The following KAT6B variants were observed in gnomAD, a reference collection of about 807,000 sequenced individuals.
The protein encoded by KAT6B is histone acetyltransferase KAT6B.
In KAT6B, 10 loss-of-function variants were observed where a neutral mutation model predicts 187.5. The observed-to-expected ratio is 0.05, with a 90% CI of 0.03 to 0.09. The LOEUF (loss-of-function observed/expected upper bound fraction) is 0.09, where lower values mean the gene tolerates loss of function less well. Ranked by LOEUF, KAT6B falls within the 10% of genes least tolerant of loss-of-function variation. The pLI is 1.00. For missense variants in KAT6B, 1,952 were observed against 2,558.9 expected, an observed-to-expected ratio of 0.76 and a Z score of 5.12; for synonymous variants, 861 against 926.8, an observed-to-expected ratio of 0.93 and a Z score of 1.29.
chr10:74,845,508 C>T (rs1205467515), intron 3 of KAT6B, among the ~76,000 whole-genome samples: 15 of 121,972 alleles, frequency 1.2e-4, no homozygotes, highest in East Asian at 9.3e-4. Context: ...GGTGACAGAG[C>T]GAGACTCTGT....
chr10:74,968,756 A>G (rs1273651641), intron 4 of KAT6B, among the ~76,000 whole-genome samples: 1 of 152,200 alleles, frequency 6.6e-6, no homozygotes, highest in Non-Finnish European at 1.5e-5. Context: ...TATGTGATAA[A>G]AGACCATTAG....
intron 3 of KAT6B, among the ~76,000 whole-genome samples, chr10:74,915,990 C>A (rs2132986806): frequency 6.6e-6 from 1 of 152,176 alleles, no homozygotes; most frequent in East Asian, 1.9e-4. Flanking sequence ...CAGAGAAACC[C>A]CGCCTCTACT....
chr10:74,858,810 C>T (rs1047720586), intron 3 of KAT6B, among the ~76,000 whole-genome samples: 3 of 151,862 alleles, frequency 2.0e-5, no homozygotes, highest in African/African-American at 7.3e-5. Flanking sequence ...TAAAAATTAG[C>T]TGGGCATGGT....
intron 8 of KAT6B, 122 bp from the exon 9 acceptor site, chr10:74,977,194 A>T: frequency 1.0e-6 from 1 of 975,522 alleles, no homozygotes; most frequent in Non-Finnish European, 1.6e-6. Flanking sequence ...AAGCTTATTT[A>T]TAAAGCTTTA....
At chr10:75,010,003 A>G (rs1844485465) in intron 13 of KAT6B, among the ~76,000 whole-genome samples, 1 of 152,212 alleles carries the variant, frequency 6.6e-6, no homozygotes, top group Non-Finnish European at 1.5e-5. Context: ...CTCCATCTCA[A>G]ATTAAAAAAG....
At chr10:74,996,379 G>A (rs1002679534) in intron 13 of KAT6B, among the ~76,000 whole-genome samples, 3 of 152,176 alleles carry the variant, frequency 2.0e-5, no homozygotes, top group South Asian at 2.1e-4. Context: ...GCATGACTGC[G>A]TGAGGAAGCA....
At chr10:74,948,166 A>G (rs1222834597) in intron 3 of KAT6B, among the ~76,000 whole-genome samples, 2 of 152,258 alleles carry the variant, frequency 1.3e-5, no homozygotes, top group African/African-American at 2.4e-5. Context: ...AGTCAGGAGC[A>G]TGGAAATTCT....
intron 3 of KAT6B, among the ~76,000 whole-genome samples, chr10:74,848,616 A>G (rs1318881049): frequency 6.6e-6 from 1 of 151,848 alleles, no homozygotes; most frequent in Non-Finnish European, 1.5e-5. Context: ...GTGGCCCTAG[A>G]CAATTCTTCT....
intron 3 of KAT6B, among the ~76,000 whole-genome samples, chr10:74,870,197 T>C (rs796520233): frequency 6.6e-6 from 1 of 152,128 alleles, no homozygotes; most frequent in South Asian, 2.1e-4. Context: ...GGAGGATCAA[T>C]CACTTGAGCC....
At chr10:74,987,602 GTTACATGCATATGAC>G (rs1245452661) in intron 12 of KAT6B, among the ~76,000 whole-genome samples, 2 of 152,320 alleles carry the variant, frequency 1.3e-5, no homozygotes, top group African/African-American at 4.8e-5. Flanking sequence ...AGTGCAAATT[GTTACATGCATATGAC>G]TTTCCAAGCA....
rs1381388161 is a variant in KAT6B, at chr10:75,032,337, A to G, written c.*1291A>G. On this transcript the variant is annotated 3_prime_UTR_variant, in exon 18 of 18. Transcript: ENST00000287239. ...TATTATGATTGATAGAGAATGACCAATGGAACTGTATCATGTGTCACGCCT... is the reference window on the plus strand; with the variant it reads ...TATTATGATTGATAGAGAATGACCAGTGGAACTGTATCATGTGTCACGCCT... The G allele has an allele frequency of 1.5e-5, 3 of 193,860 alleles. No individual in the cohort carries two copies. The highest frequency in any genetic ancestry group is 4.6e-5 in the African/African-American group (2 of 43,094). The allele number at this position is 193,860 out of a possible 1,614,324, so 12.0% of individuals were successfully genotyped here.
chr10:75,027,981 A>C (rs1846002950), intron 17 of KAT6B, among the ~76,000 whole-genome samples: 1 of 152,206 alleles, frequency 6.6e-6, no homozygotes, highest in African/African-American at 2.4e-5. Flanking sequence ...AGAACATTCA[A>C]ATCAAAGTAA....
intron 3 of KAT6B, among the ~76,000 whole-genome samples, chr10:74,882,673 C>A (rs1452412524): frequency 6.6e-6 from 1 of 152,192 alleles, no homozygotes; most frequent in African/African-American, 2.4e-5. Context: ...TGGCTGGATT[C>A]TGTTAGATAA....
At chr10:74,875,865 C>G (rs954908023) in intron 3 of KAT6B, among the ~76,000 whole-genome samples, 2 of 152,182 alleles carry the variant, frequency 1.3e-5, no homozygotes, top group East Asian at 1.9e-4. Flanking sequence ...ACTGTATGTA[C>G]TGCTGCATCT....
Position 75,028,972 on chromosome 10 carries a change from A to C in KAT6B, c.4148A>C (p.Asp1383Ala), listed in dbSNP as rs1846099902. ...GGAGGAAATGTAGAAAAAGATCCAG[A>C]TGGTGCTAAAAGCCAAGAAAAAGAG... Reference protein sequence around the residue: ...EGGGNVEKDPDGAKSQEKEEP... With the variant: ...EGGGNVEKDPAGAKSQEKEEP... Residue 1383 changes from aspartate (D) to alanine (A), a missense_variant, in exon 18 of 18, where the codon GAT (aspartate) becomes GCT (alanine). Physicochemically the swap from Asp to Ala is moderately radical, Grantham distance 126. Coordinates refer to ENST00000287239, the MANE Select transcript of KAT6B (RefSeq NM_012330.4). 6.2e-7 allele frequency: 1 copy of C among 1,613,968 alleles called. No homozygotes were observed. Among genetic ancestry groups the C allele is most frequent in the Non-Finnish European group, 8.5e-7 (1 of 1,179,968 alleles).
intron 3 of KAT6B, among the ~76,000 whole-genome samples, chr10:74,939,904 C>T (rs1849541965): frequency 6.6e-6 from 1 of 152,182 alleles, no homozygotes; most frequent in African/African-American, 2.4e-5. Flanking sequence ...TGGAAGTGTA[C>T]ATGTGTACAT....
intron 3 of KAT6B, among the ~76,000 whole-genome samples, chr10:74,872,895 A>G (rs956111336): frequency 3.9e-5 from 6 of 152,294 alleles, no homozygotes; most frequent in African/African-American, 1.4e-4. Context: ...TGTAAAGGAC[A>G]GTATTGGGGA....
At chr10:74,915,692 T>C (rs1283173753) in intron 3 of KAT6B, among the ~76,000 whole-genome samples, 2 of 152,214 alleles carry the variant, frequency 1.3e-5, no homozygotes, top group Non-Finnish European at 2.9e-5. Context: ...ATCATCCGTC[T>C]TTCAGATAAA....
intron 10 of KAT6B, among the ~76,000 whole-genome samples, chr10:74,980,004 C>A (rs997572207): frequency 6.6e-6 from 1 of 152,048 alleles, no homozygotes; most frequent in Admixed American, 6.6e-5. Context: ...ACTAAAAATA[C>A]AAAAATTAGC....
Sources: allele counts gnomAD v4.1 joint callset (sites outside exome capture counted in the v4.1 genomes callset), GRCh38; gene constraint gnomAD v4.1.1; transcripts MANE v1.5; gene names NCBI Gene and HGNC (gene_info 2026-07-23, HGNC 2026-07-21).